The following SDK1 variants were observed in gnomAD, a reference collection of about 807,000 sequenced individuals.
The protein encoded by SDK1 is sidekick cell adhesion molecule 1.
SDK1 carries 157 observed loss-of-function variants against 245.5 expected under a neutral mutation model. The ratio of observed to expected loss-of-function variants is 0.64; its 90% CI spans 0.56 to 0.73. The LOEUF is 0.73. Among genes scored for constraint, SDK1 ranks in the 30% least tolerant of loss-of-function variants. The pLI is 0.00. For synonymous variants in SDK1, 1,647 were observed against 1,278.5 expected, an observed-to-expected ratio of 1.29 and a Z score of -6.15; for missense variants, 3,583 against 3,002.3, an observed-to-expected ratio of 1.19 and a Z score of -4.52.
intron 17 of SDK1, among the ~76,000 whole-genome samples, chr7:4,038,313 C>T (rs543270366): frequency 2.6e-5 from 4 of 152,234 alleles, no homozygotes; most frequent in Admixed American, 6.5e-5. Context: ...TTGAGTTCCA[C>T]TGAAACTTAA....
At chr7:3,658,612 T>C (rs973654911) in intron 4 of SDK1, among the ~76,000 whole-genome samples, 38 of 141,688 alleles carry the variant, frequency 2.7e-4, no homozygotes, top group Admixed American at 9.7e-4. Flanking sequence ...CTATCTTCTT[T>C]TTTTTTTTTT....
chr7:3,665,303 C>G (rs544299763), intron 4 of SDK1, among the ~76,000 whole-genome samples: 1 of 152,276 alleles, frequency 6.6e-6, no homozygotes, highest in South Asian at 2.1e-4. Context: ...GTGGCCTCAC[C>G]TACAGGAACA....
Position 4,152,057 on chromosome 7 carries a change from G to A in SDK1, c.4625+2594G>A, listed in dbSNP as rs145149796. Among the ~76,000 whole-genome samples, 16 of 152,334 alleles carry A rather than the reference G, an allele frequency of 1.1e-4. No homozygotes were observed. In the East Asian group the frequency reaches 3.1e-3, roughly 29 times the overall value. On this transcript the variant is annotated intron_variant, in intron 30 of 44. Coordinates refer to ENST00000404826, the MANE Select transcript of SDK1 (RefSeq NM_152744.4). ...GGAAAAGTCCAACCCTTGGCTGCCT[G>A]CTAGGACTCTGTCCTCTCATCTGTG...
intron 3 of SDK1, among the ~76,000 whole-genome samples, chr7:3,639,989 G>A (rs1037976056): frequency 2.6e-5 from 4 of 152,018 alleles, no homozygotes; most frequent in Admixed American, 6.6e-5. Flanking sequence ...TAGGACCACA[G>A]GTGTGTGCCA....
intron 19 of SDK1, among the ~76,000 whole-genome samples, chr7:4,063,210 C>A (rs1337566545): frequency 1.3e-5 from 2 of 152,114 alleles, no homozygotes; most frequent in African/African-American, 4.8e-5. Context: ...AACCTAGACT[C>A]CACCAAAAAA....
intron 4 of SDK1, among the ~76,000 whole-genome samples, chr7:3,768,556 T>C (rs543789584): frequency 6.6e-6 from 1 of 152,344 alleles, no homozygotes; most frequent in Non-Finnish European, 1.5e-5. Flanking sequence ...TGCAGGCATG[T>C]GCTTTACATT....
chr7:4,195,511 A>G (rs1353202327), intron 35 of SDK1, among the ~76,000 whole-genome samples: 2 of 152,094 alleles, frequency 1.3e-5, no homozygotes, highest in Admixed American at 1.3e-4. Context: ...CCCGCCTGGG[A>G]GTCTCTTGGG....
At chr7:3,357,055 A>G (rs1289021321) in intron 1 of SDK1, among the ~76,000 whole-genome samples, 15 of 27,030 alleles carry the variant, frequency 5.5e-4, no homozygotes, top group African/African-American at 1.3e-3. Flanking sequence ...ACTCTCTCGA[A>G]AAAAAAAAAA....
At chr7:4,139,530 TG>T in intron 28 of SDK1, among the ~76,000 whole-genome samples, 4 of 13,874 alleles carry the variant, frequency 2.9e-4, no homozygotes, top group African/African-American at 5.1e-4. Flanking sequence ...TGTGTATGTG[TG>T]TGTGTATATA....
At chr7:4,254,880 G>A (rs912645360) in intron 44 of SDK1, among the ~76,000 whole-genome samples, 3 of 152,074 alleles carry the variant, frequency 2.0e-5, no homozygotes, top group South Asian at 2.1e-4. Context: ...GCCTACCAGG[G>A]ATGACTGTGG....
chr7:3,950,824 A>G, intron 5 of SDK1, 99 bp from the exon 6 acceptor site: 1 of 812,178 alleles, frequency 1.2e-6, no homozygotes, highest in Non-Finnish European at 2.1e-6. Flanking sequence ...CTTTGGTTTT[A>G]GGTATCCCCG....
At chr7:3,985,094 AT>A (rs1340899466) in intron 13 of SDK1, among the ~76,000 whole-genome samples, 4 of 152,180 alleles carry the variant, frequency 2.6e-5, no homozygotes, top group Non-Finnish European at 5.9e-5. Context: ...CAACCCTCTT[AT>A]CCCCATGACT....
At chr7:4,048,824 A>G (rs1789221605) in intron 17 of SDK1, among the ~76,000 whole-genome samples, 1 of 152,236 alleles carries the variant, frequency 6.6e-6, no homozygotes, top group Admixed American at 6.5e-5. Context: ...CAAACTGTGG[A>G]AAATCCAAAA....
intron 1 of SDK1, among the ~76,000 whole-genome samples, chr7:3,409,660 C>T (rs1583816230): frequency 6.6e-6 from 1 of 152,078 alleles, no homozygotes; most frequent in African/African-American, 2.4e-5. Flanking sequence ...GGATTGGAGA[C>T]AGCAACAGAA....
At chr7:3,847,106 A>G (rs117321982) in intron 5 of SDK1, among the ~76,000 whole-genome samples, 5 of 151,830 alleles carry the variant, frequency 3.3e-5, no homozygotes, top group South Asian at 2.1e-4. Flanking sequence ...GAGAGCTGCA[A>G]TGCCTCCAGC....
At chr7:3,780,784 G>C (rs1472140733) in intron 4 of SDK1, among the ~76,000 whole-genome samples, 3 of 152,084 alleles carry the variant, frequency 2.0e-5, no homozygotes, top group Admixed American at 6.5e-5. Context: ...GCAGGGGCTA[G>C]TCTTGCTTGA....
At chr7:3,572,406 C>T (rs1780144576) in intron 1 of SDK1, among the ~76,000 whole-genome samples, 1 of 151,946 alleles carries the variant, frequency 6.6e-6, no homozygotes. Flanking sequence ...AGATCATATT[C>T]ACAGTGGGTA....
At chr7:3,390,504 C>G (rs749358421) in intron 1 of SDK1, among the ~76,000 whole-genome samples, 21 of 152,064 alleles carry the variant, frequency 1.4e-4, no homozygotes, top group Non-Finnish European at 2.5e-4. Flanking sequence ...TTATTTTCAC[C>G]TATGAATGTG....
chr7:3,712,219 C>T (rs1464822492), intron 4 of SDK1, among the ~76,000 whole-genome samples: 2 of 152,086 alleles, frequency 1.3e-5, no homozygotes, highest in Non-Finnish European at 2.9e-5. Context: ...CTGCCTGAGC[C>T]CCACCTCCTG....
Sources: allele counts gnomAD v4.1 joint callset (sites outside exome capture counted in the v4.1 genomes callset), GRCh38; gene constraint gnomAD v4.1.1; transcripts MANE v1.5; gene names NCBI Gene and HGNC (gene_info 2026-07-23, HGNC 2026-07-21).